Variants in GRM8 observed in about 807,000 individuals in gnomAD.
The protein encoded by GRM8 is glutamate metabotropic receptor 8, also known as metabotropic glutamate receptor 8.
GRM8 carries 47 observed loss-of-function variants against 87.2 expected under a neutral mutation model. The ratio of observed to expected loss-of-function variants is 0.54; its 90% CI spans 0.43 to 0.69. GRM8 has a LOEUF of 0.69. GRM8 is among the 30% of genes least tolerant of loss of function. The probability of loss-of-function intolerance (pLI) is 0.00; values close to 1 mark genes in which losing one functional copy is unlikely to be tolerated. For synonymous variants in GRM8, 396 were observed against 404.5 expected (o/e 0.98, Z 0.25); for missense variants, 1,019 against 1,139.2 (o/e 0.89, Z 1.52).
At chr7:126,789,133 T>A (rs111535240) in intron 6 of GRM8, among the ~76,000 whole-genome samples, 51 of 152,102 alleles carry the variant, frequency 3.4e-4, no homozygotes, top group Non-Finnish European at 5.1e-4. Flanking sequence ...AATAAGATAA[T>A]CACTATAAAC....
Position 126,685,808 on chromosome 7 carries a change from T to C in GRM8, c.1358-76310A>G, listed in dbSNP as rs1350950930. ...TGGTGACAGGCGGCAGACAGGCTCC[T>C]GGGCAGAAGGGGGAAGGTCCTCAGT... On this transcript the variant is annotated intron_variant, in intron 7 of 10. Coordinates refer to ENST00000339582, the MANE Select transcript of GRM8 (RefSeq NM_000845.3). The surrounding 1 kb of genome is among the most constrained non-coding windows in gnomAD (Gnocchi z 4.2). 2.6e-5 allele frequency among the ~76,000 whole-genome samples: 4 copies of C among 151,988 alleles called. No individual in the cohort carries two copies. Among genetic ancestry groups the C allele is most frequent in the Non-Finnish European group, 5.9e-5 (4 of 67,968 alleles).
chr7:126,539,479 T>C (rs759783785), intron 8 of GRM8, among the ~76,000 whole-genome samples: 1 of 151,992 alleles, frequency 6.6e-6, no homozygotes, highest in Non-Finnish European at 1.5e-5. Flanking sequence ...GGACCCAGAA[T>C]AGCCAAAATT....
At chr7:126,652,331 A>G (rs1017619053) in intron 7 of GRM8, among the ~76,000 whole-genome samples, 1 of 152,128 alleles carries the variant, frequency 6.6e-6, no homozygotes, top group Admixed American at 6.6e-5. Context: ...GTGATCTCAG[A>G]TGCGTATGGG....
At chr7:126,504,977 A>G (rs1300502507) in intron 9 of GRM8, among the ~76,000 whole-genome samples, 2 of 152,100 alleles carry the variant, frequency 1.3e-5, no homozygotes, top group Non-Finnish European at 2.9e-5. Context: ...GCCAAGTTAT[A>G]GAGGTTTTTC....
chr7:126,660,207 AC>A (rs1805000644), intron 7 of GRM8, among the ~76,000 whole-genome samples: 2 of 152,276 alleles, frequency 1.3e-5, no homozygotes, highest in South Asian at 4.1e-4. Flanking sequence ...CCTAACACTG[AC>A]CTTAATCTTA....
chr7:127,245,546 G>C (rs1029227803), intron 1 of GRM8, among the ~76,000 whole-genome samples: 3 of 152,210 alleles, frequency 2.0e-5, no homozygotes, highest in African/African-American at 7.2e-5. Context: ...AGTTCCACTT[G>C]CTGTACAGTC....
chr7:126,655,445 G>A (rs991739737), intron 7 of GRM8, among the ~76,000 whole-genome samples: 7 of 152,014 alleles, frequency 4.6e-5, no homozygotes, highest in African/African-American at 1.7e-4. Flanking sequence ...GGAGAGATCT[G>A]ATGGGAGGTG....
chr7:127,053,119 G>C (rs11563768), intron 3 of GRM8, among the ~76,000 whole-genome samples: 2 of 152,094 alleles, frequency 1.3e-5, no homozygotes, highest in African/African-American at 2.4e-5. Context: ...AGGGTTCCAT[G>C]CTCCTTTTTA....
chr7:127,103,263 C>T (rs1394012876), intron 3 of GRM8, among the ~76,000 whole-genome samples: 1 of 152,332 alleles, frequency 6.6e-6, no homozygotes, highest in East Asian at 1.9e-4. Flanking sequence ...TATCCCCACC[C>T]AAATCTCATG....
At chr7:127,201,131 T>C (rs377149348) in intron 2 of GRM8, among the ~76,000 whole-genome samples, 2 of 152,208 alleles carry the variant, frequency 1.3e-5, no homozygotes. Context: ...CTCACACAAG[T>C]AGGCAGGGTG....
intron 6 of GRM8, among the ~76,000 whole-genome samples, chr7:126,827,747 T>C (rs923667820): frequency 3.9e-5 from 6 of 152,208 alleles, no homozygotes; most frequent in Non-Finnish European, 5.9e-5. Flanking sequence ...TCCAACACTA[T>C]GTTGAAAAGG....
At chr7:126,502,898 C>T (rs189886215) in intron 9 of GRM8, among the ~76,000 whole-genome samples, 408 of 152,076 alleles carry the variant, frequency 2.7e-3, no homozygotes, top group Non-Finnish European at 4.7e-3. Flanking sequence ...CAGTCCTGTG[C>T]TCCATATTCC....
In GRM8 at chr7:126,770,069, C is replaced by T; in HGVS notation, c.1157-4G>A. 1 of 1,602,522 alleles carries T rather than the reference C, an allele frequency of 6.2e-7. No individual in the cohort carries two copies. Among genetic ancestry groups the T allele is most frequent in the Non-Finnish European group, 8.5e-7 (1 of 1,172,598 alleles). ...TCCCGAGCAATTCGCTCCAGCCCTG[C>T]AAAATAAAAAAGTAAAAACCATCAG... is the stretch of plus-strand genomic sequence containing the variant. On this transcript the variant is annotated splice_region_variant and splice_polypyrimidine_tract_variant and intron_variant, in intron 6 of 10. Transcript: ENST00000339582.
chr7:126,455,586 A>T (rs567844468), intron 9 of GRM8, among the ~76,000 whole-genome samples: 1 of 151,918 alleles, frequency 6.6e-6, no homozygotes, highest in African/African-American at 2.4e-5. Flanking sequence ...TTATAATTAC[A>T]TCTTCTTAAA....
chr7:126,841,928 G>A (rs111955486), intron 6 of GRM8, among the ~76,000 whole-genome samples: 4,070 of 151,996 alleles, frequency 0.027, 181 homozygotes, highest in African/African-American at 0.092. Context: ...CACCGTGACC[G>A]GCCCCAGCCT....
Position 126,903,787 on chromosome 7 carries a change from A to G in GRM8, c.1018+185T>C, listed in dbSNP as rs1216685385. 4.8e-5 allele frequency among the ~76,000 whole-genome samples: 7 copies of G among 146,962 alleles called. No individual in the cohort carries two copies. The East Asian group carries it at 9.8e-4, about 21-fold the overall frequency. On this transcript the variant is annotated intron_variant, in intron 5 of 10. Transcript: ENST00000339582. ...TATATGTGTGTGTGTATATATATATATATATATATATATATGCATATGCAT... is the reference window on the plus strand; with the variant it reads ...TATATGTGTGTGTGTATATATATATGTATATATATATATATGCATATGCAT...
intron 7 of GRM8, among the ~76,000 whole-genome samples, chr7:126,703,451 C>T (rs562897071): frequency 6.6e-6 from 1 of 152,218 alleles, no homozygotes; most frequent in Admixed American, 6.5e-5. Context: ...TAAGAATCTG[C>T]AAAGGAACAG....
At chr7:126,640,292 T>C (rs1372703512) in intron 7 of GRM8, among the ~76,000 whole-genome samples, 1 of 152,184 alleles carries the variant, frequency 6.6e-6, no homozygotes, top group Non-Finnish European at 1.5e-5. Context: ...TTTATGATTG[T>C]CATTGGATAC....
chr7:126,759,058 G>A (rs547134772), intron 7 of GRM8, among the ~76,000 whole-genome samples: 5 of 151,612 alleles, frequency 3.3e-5, no homozygotes, highest in African/African-American at 4.8e-5. Context: ...TCACCACGCC[G>A]GGCTAATTTT....
Sources: gnomAD v4.1 joint callset for allele counts (sites outside exome capture counted in the v4.1 genomes callset) on GRCh38, gnomAD v4.1.1 for gene constraint, Gnocchi (gnomAD v3.1) non-coding constraint, MANE v1.5 for transcripts, NCBI Gene and HGNC (gene_info 2026-07-23, HGNC 2026-07-21) for gene names.